The following REPS1 variants were observed in gnomAD, a reference collection of about 807,000 sequenced individuals.
The protein encoded by REPS1 is ralBP1-associated Eps domain-containing protein 1.
REPS1 carries 39 observed loss-of-function variants against 100.9 expected under a neutral mutation model. The observed-to-expected ratio is 0.39, with a 90% CI of 0.30 to 0.50. REPS1 has a LOEUF of 0.50. Among genes scored for constraint, REPS1 ranks in the 20% least tolerant of loss-of-function variants. The pLI is 0.86. For synonymous variants in REPS1, 324 were observed against 340.3 expected, an observed-to-expected ratio of 0.95 and a Z score of 0.53; for missense variants, 821 against 968.5, an observed-to-expected ratio of 0.85 and a Z score of 2.02.
At chr6:138,987,361 C>T (rs1785327654) in intron 1 of REPS1, among the ~76,000 whole-genome samples, 169 bp downstream of exon 1, 1 of 152,192 alleles carries the variant, frequency 6.6e-6, no homozygotes, top group African/African-American at 2.4e-5. Context: ...TCCCCCTTGG[C>T]CGCGGCGCGA....
rs1348287986 is a variant in REPS1, at chr6:138,912,836, C to G, written c.1900G>C (p.Glu634Gln). 5 of 1,614,156 alleles carry G rather than the reference C, an allele frequency of 3.1e-6. No homozygotes were observed. Among genetic ancestry groups the G allele is most frequent in the Non-Finnish European group, 4.2e-6 (5 of 1,180,016 alleles). ...TTTACATTTGATGCAGCAAATACTT[C>G]AAACTGACTGAAATCTGCAAAATTT... ...QPNFADFSQF[E>Q]VFAASNVNDE... is the part of the protein sequence containing the mutation. Residue 634 changes from glutamate (E) to glutamine (Q), a missense_variant, in exon 16 of 20, where the codon GAA becomes CAA. Glu to Gln is a conservative substitution (Grantham distance 29, BLOSUM62 2). This residue lies in a region of REPS1 where 757 missense variants were observed against 866.4 expected (regional missense o/e 0.87). Transcript: ENST00000450536.
chr6:138,951,267 A>G (rs891213373), intron 1 of REPS1: 1 of 152,172 alleles, frequency 6.6e-6, no homozygotes, highest in African/African-American at 2.4e-5. Context: ...TTTGGGTTTT[A>G]TATTTTCAAA....
At chr6:138,984,507 A>G (rs753341907) in intron 1 of REPS1, among the ~76,000 whole-genome samples, 1 of 152,134 alleles carries the variant, frequency 6.6e-6, no homozygotes, top group Non-Finnish European at 1.5e-5. Context: ...CAGGATGTTT[A>G]GCAACATTTC....
chr6:138,930,211 A>T, intron 8 of REPS1, 113 bp from the exon 9 acceptor site: 2 of 770,056 alleles, frequency 2.6e-6, no homozygotes, highest in Non-Finnish European at 4.1e-6. Flanking sequence ...AGTAATATAT[A>T]ATCTAAATCT....
chr6:138,918,298 A>G (rs936357178), intron 12 of REPS1, among the ~76,000 whole-genome samples: 1 of 152,180 alleles, frequency 6.6e-6, no homozygotes, highest in African/African-American at 2.4e-5. Flanking sequence ...AGAAATCTAG[A>G]GATTATTTAA....
chr6:138,926,711 T>A (rs186130348), intron 9 of REPS1: 1 of 470,238 alleles, frequency 2.1e-6, no homozygotes, highest in African/African-American at 2.0e-5. Context: ...TTTATTGCAA[T>A]CTCTATGGAA....
chr6:138,957,351 GC>G (rs1562553845), intron 1 of REPS1, among the ~76,000 whole-genome samples: 1 of 152,168 alleles, frequency 6.6e-6, no homozygotes, highest in African/African-American at 2.4e-5. Flanking sequence ...ATGAGACTTA[GC>G]AGTAACACTG....
At chr6:138,917,733 CA>C in intron 12 of REPS1, 106 bp from the exon 13 acceptor site, 1 of 841,062 alleles carries the variant, frequency 1.2e-6, no homozygotes, top group Non-Finnish European at 1.9e-6. Flanking sequence ...CAGAGATAGT[CA>C]AAGATTGGCT....
chr6:138,974,852 T>C (rs147660404), intron 1 of REPS1, among the ~76,000 whole-genome samples: 269 of 152,182 alleles, frequency 1.8e-3, no homozygotes, highest in African/African-American at 6.4e-3. Flanking sequence ...TAGCTGGGCA[T>C]GGTGGCATGT....
intron 1 of REPS1, among the ~76,000 whole-genome samples, chr6:138,978,293 CTT>C (rs548789057): frequency 6.3e-5 from 9 of 142,228 alleles, no homozygotes; most frequent in African/African-American, 2.6e-5. Flanking sequence ...TTTTCCTTTT[CTT>C]TTTTTTTTTT....
intron 1 of REPS1, among the ~76,000 whole-genome samples, chr6:138,969,648 T>A (rs985823319): frequency 6.6e-6 from 1 of 152,022 alleles, no homozygotes; most frequent in African/African-American, 2.4e-5. Flanking sequence ...TGCCATCGCA[T>A]GAAACTGAAT....
chr6:138,911,641 G>A (rs1380368543), intron 16 of REPS1, among the ~76,000 whole-genome samples: 2 of 151,832 alleles, frequency 1.3e-5, no homozygotes, highest in African/African-American at 4.8e-5. Flanking sequence ...GACAGAGCGA[G>A]GATGCAGGTA....
intron 10 of REPS1, among the ~76,000 whole-genome samples, chr6:138,922,370 A>C (rs1045306342): frequency 1.3e-5 from 2 of 152,190 alleles, no homozygotes; most frequent in African/African-American, 4.8e-5. Context: ...CCATTCTAAG[A>C]AGCTAATACT....
At position 138,943,538 on chromosome 6, in the gene REPS1, G is replaced by A; in HGVS notation, c.955C>T (p.Pro319Ser). 1 of 1,590,382 alleles carries A rather than the reference G, an allele frequency of 6.3e-7. No individual in the cohort carries two copies. Among genetic ancestry groups the A allele is most frequent in the Non-Finnish European group, 8.6e-7 (1 of 1,159,630 alleles). Residue 319 changes from proline (P) to serine (S), a missense_variant, in exon 7 of 20, where the codon CCT becomes TCT. Physicochemically the swap from Pro to Ser is moderately conservative, Grantham distance 74. Transcript: ENST00000450536. Reference protein sequence around the residue: ...AKEFFTKSKLPILELSHIWEL... With the variant: ...AKEFFTKSKLSILELSHIWEL... ...CAAATATGAGAAAGTTCAAGAATAGGAAGTTTTGATTTTGTAAAAAACTCT... is the reference window on the plus strand; with the variant it reads ...CAAATATGAGAAAGTTCAAGAATAGAAAGTTTTGATTTTGTAAAAAACTCT...
At chr6:138,975,842 T>TA (rs1023703520) in intron 1 of REPS1, among the ~76,000 whole-genome samples, 13 of 151,654 alleles carry the variant, frequency 8.6e-5, no homozygotes, top group Non-Finnish European at 1.5e-4. Context: ...TCAAAAAAAA[T>TA]AAAAAAACCT....
At chr6:138,907,071 G>A (rs1212121492) in intron 19 of REPS1, among the ~76,000 whole-genome samples, 2 of 152,180 alleles carry the variant, frequency 1.3e-5, no homozygotes, top group East Asian at 3.8e-4. Flanking sequence ...TTTAAGGCTT[G>A]CCTTTTCTCT....
intron 1 of REPS1, among the ~76,000 whole-genome samples, chr6:138,961,635 C>T (rs1582831148): frequency 6.6e-6 from 1 of 152,128 alleles, no homozygotes; most frequent in African/African-American, 2.4e-5. Flanking sequence ...GACTTTTACA[C>T]CAACAATGCA....
At chr6:138,947,035 G>GCTCTCTCTCTCTCTCTCTTGCT (rs1782665018) in intron 2 of REPS1, among the ~76,000 whole-genome samples, 1 of 137,636 alleles carries the variant, frequency 7.3e-6, no homozygotes, top group African/African-American at 2.8e-5. Context: ...ATTCCCCCTT[G>GCTCTCTCTCTCTCTCTCTTGCT]CTCTCTCTCT....
intron 14 of REPS1, chr6:138,915,016 A>G: frequency 2.4e-6 from 1 of 424,326 alleles, no homozygotes; most frequent in Non-Finnish European, 4.2e-6. Flanking sequence ...CTATTCCCAT[A>G]ATAGCAAACA....
Sources: allele counts gnomAD v4.1 joint callset (sites outside exome capture counted in the v4.1 genomes callset), GRCh38; gene constraint gnomAD v4.1.1; regional missense constraint gnomAD v4.1.1; transcripts MANE v1.5; gene names NCBI Gene and HGNC (gene_info 2026-07-23, HGNC 2026-07-21).